The following ADGRB3 variants were observed in gnomAD, a reference collection of about 807,000 sequenced individuals.
The protein encoded by ADGRB3 is adhesion G protein-coupled receptor B3, also known as brain-specific angiogenesis inhibitor 3.
In ADGRB3, 37 loss-of-function variants were observed where a neutral mutation model predicts 193.4. The ratio of observed to expected loss-of-function variants is 0.19; its 90% CI spans 0.15 to 0.25. The LOEUF is 0.25. ADGRB3 is among the 10% of genes least tolerant of loss of function. The probability of loss-of-function intolerance (pLI) is 1.00; values close to 1 mark genes in which losing one functional copy is unlikely to be tolerated. For missense variants in ADGRB3, 1,637 were observed against 1,852.9 expected (o/e 0.88, Z 2.14); for synonymous variants, 690 against 644.2 (o/e 1.07, Z -1.08).
chr6:68,964,716 A>C (rs1768328576), intron 8 of ADGRB3, among the ~76,000 whole-genome samples: 2 of 152,212 alleles, frequency 1.3e-5, no homozygotes, highest in Admixed American at 1.3e-4. Flanking sequence ...TTTAAATATA[A>C]AATTATGCAA....
At chr6:69,081,271 A>G (rs1290591472) in intron 17 of ADGRB3, among the ~76,000 whole-genome samples, 2 of 151,992 alleles carry the variant, frequency 1.3e-5, no homozygotes, top group South Asian at 4.1e-4. Flanking sequence ...AAAATACTGA[A>G]AATACTAGAC....
chr6:68,659,561 GTAAC>G (rs1768575377), intron 3 of ADGRB3, among the ~76,000 whole-genome samples: 3 of 150,278 alleles, frequency 2.0e-5, no homozygotes, highest in Admixed American at 2.0e-4. Flanking sequence ...AATGTAATTT[GTAAC>G]TATTACATTT....
chr6:68,897,319 C>T (rs993732020), intron 3 of ADGRB3, among the ~76,000 whole-genome samples: 8 of 149,250 alleles, frequency 5.4e-5, no homozygotes, highest in African/African-American at 2.0e-4. Flanking sequence ...ATGACAGCGC[C>T]ACTTGTATTC....
intron 17 of ADGRB3, among the ~76,000 whole-genome samples, chr6:69,172,440 A>C (rs1775295260): frequency 2.0e-5 from 3 of 151,594 alleles, no homozygotes; most frequent in African/African-American, 7.3e-5. Flanking sequence ...TCAGGAGATC[A>C]AGACCATACT....
intron 3 of ADGRB3, among the ~76,000 whole-genome samples, chr6:68,883,216 A>C (rs1765784879): frequency 6.6e-6 from 1 of 152,090 alleles, no homozygotes; most frequent in African/African-American, 2.4e-5. Flanking sequence ...GACTTGGAGA[A>C]CTTTTGTCTA....
chr6:69,276,965 C>T (rs187780888), intron 20 of ADGRB3, among the ~76,000 whole-genome samples: 1 of 151,302 alleles, frequency 6.6e-6, no homozygotes, highest in African/African-American at 2.4e-5. Flanking sequence ...TAAAAAAGAA[C>T]ACAAAACCAT....
chr6:69,089,819 G>C (rs929650445), intron 17 of ADGRB3, among the ~76,000 whole-genome samples: 2 of 152,110 alleles, frequency 1.3e-5, no homozygotes, highest in African/African-American at 4.8e-5. Flanking sequence ...CCACCCACTG[G>C]ATGCCAGTAA....
chr6:69,109,404 T>C (rs923599301), intron 17 of ADGRB3, among the ~76,000 whole-genome samples: 2 of 152,198 alleles, frequency 1.3e-5, no homozygotes, highest in African/African-American at 2.4e-5. Context: ...TCCATGTCCT[T>C]TGTCCCTTTG....
intron 3 of ADGRB3, among the ~76,000 whole-genome samples, chr6:68,858,397 G>A (rs886845670): frequency 2.0e-5 from 3 of 151,192 alleles, no homozygotes; most frequent in African/African-American, 4.9e-5. Context: ...CCAGCTACTC[G>A]AGAGGCTAAG....
intron 3 of ADGRB3, among the ~76,000 whole-genome samples, chr6:68,811,442 A>C (rs1767510883): frequency 6.6e-6 from 1 of 152,102 alleles, no homozygotes; most frequent in Non-Finnish European, 1.5e-5. Flanking sequence ...GTCAGGCCAA[A>C]TTAATGAGGT....
intron 3 of ADGRB3, among the ~76,000 whole-genome samples, chr6:68,864,604 C>T (rs1475278985): frequency 6.6e-6 from 1 of 152,120 alleles, no homozygotes; most frequent in Admixed American, 6.5e-5. Flanking sequence ...AAATAAACGA[C>T]TCCTTTTGTG....
intron 3 of ADGRB3, among the ~76,000 whole-genome samples, chr6:68,885,279 G>T (rs982590092): frequency 6.6e-6 from 1 of 152,108 alleles, no homozygotes; most frequent in Non-Finnish European, 1.5e-5. Flanking sequence ...TTGGTGAAAT[G>T]ATTAGAAGAT....
At chr6:69,205,367 T>A (rs1272163493) in intron 17 of ADGRB3, among the ~76,000 whole-genome samples, 1 of 150,352 alleles carries the variant, frequency 6.7e-6, no homozygotes, top group African/African-American at 2.5e-5. Context: ...CTGCCACTGA[T>A]ATTGTCTTTT....
chr6:69,111,734 A>G (rs775552341), intron 17 of ADGRB3, among the ~76,000 whole-genome samples: 10 of 152,248 alleles, frequency 6.6e-5, no homozygotes, highest in Non-Finnish European at 1.3e-4. Context: ...GATGCAATAA[A>G]CTATTTTAAA....
chr6:69,254,857 C>G (rs1243742421), intron 20 of ADGRB3, among the ~76,000 whole-genome samples: 1 of 114,462 alleles, frequency 8.7e-6, no homozygotes, highest in African/African-American at 3.3e-5. Flanking sequence ...TCCCTCCCCC[C>G]TCCCCCCACC....
chr6:69,341,954 T>C (rs1158619670), intron 26 of ADGRB3, among the ~76,000 whole-genome samples: 1 of 152,136 alleles, frequency 6.6e-6, no homozygotes, highest in Non-Finnish European at 1.5e-5. Flanking sequence ...GCTTGATAGA[T>C]AGTTTTAAGC....
chr6:68,836,499 A>G (rs1768048530), intron 3 of ADGRB3, among the ~76,000 whole-genome samples: 1 of 152,094 alleles, frequency 6.6e-6, no homozygotes, highest in Non-Finnish European at 1.5e-5. Context: ...AAGCAGAGAC[A>G]GTCTTACTTC....
intron 20 of ADGRB3, among the ~76,000 whole-genome samples, chr6:69,246,189 G>A (rs1189006819): frequency 1.3e-5 from 2 of 152,112 alleles, no homozygotes; most frequent in Admixed American, 6.6e-5. Context: ...AAAGAAATGT[G>A]CGTAGTTACA....
intron 3 of ADGRB3, among the ~76,000 whole-genome samples, chr6:68,843,661 G>GAA (rs34433960): frequency 6.7e-6 from 1 of 149,592 alleles, no homozygotes; most frequent in African/African-American, 2.5e-5. Context: ...CATAGAAATA[G>GAA]AAAAAAAAAA....
Sources: allele counts gnomAD v4.1 joint callset (sites outside exome capture counted in the v4.1 genomes callset), GRCh38; gene constraint gnomAD v4.1.1; transcripts MANE v1.5; gene names NCBI Gene and HGNC (gene_info 2026-07-23, HGNC 2026-07-21).